The following CLVS1 variants were observed in gnomAD, a reference collection of about 807,000 sequenced individuals.
CLVS1 encodes the protein clavesin 1.
A neutral mutation model predicts 33.1 loss-of-function variants in CLVS1; 10 were observed. The ratio of observed to expected loss-of-function variants is 0.30; its 90% CI spans 0.19 to 0.51. CLVS1 has a LOEUF of 0.51. Among genes scored for constraint, CLVS1 ranks in the 20% least tolerant of loss-of-function variants. The pLI, the probability that CLVS1 is intolerant of heterozygous loss-of-function variation, is 0.97. For synonymous variants in CLVS1, 163 were observed against 166.1 expected (o/e 0.98, Z 0.14); for missense variants, 343 against 433.4 (o/e 0.79, Z 1.85).
Position 61,066,771 on chromosome 8 carries a change from G to A in CLVS1, c.-243+9541G>A, listed in dbSNP as rs1282826605. ...CTTTTTAAAAATGAAAAATGTCAAT[G>A]ACACACAACATTTCAGGGGAAAGTG... is the stretch of plus-strand genomic sequence containing the variant. On this transcript the variant is annotated intron_variant, in intron 1 of 2. Transcript: ENST00000522621. 2.6e-5 allele frequency among the ~76,000 whole-genome samples: 4 copies of A among 152,204 alleles called. 1 individual carries two copies. The highest frequency in any genetic ancestry group is 2.6e-4 in the Admixed American group (4 of 15,272).
rs560549881 is a variant in CLVS1, at chr8:61,370,041, T to G, written c.456-6564T>G. 4.6e-5 allele frequency among the ~76,000 whole-genome samples: 7 copies of G among 152,316 alleles called. No homozygotes were observed. The South Asian group carries it at 8.3e-4, about 18-fold the overall frequency. On this transcript the variant is annotated intron_variant, in intron 2 of 5. Transcript: ENST00000325897. ...AGACATGTGGTGGGATGCAATGTTTTGCACCTATAACCAAGACATAGATAT... is the reference window on the plus strand; with the variant it reads ...AGACATGTGGTGGGATGCAATGTTTGGCACCTATAACCAAGACATAGATAT...
intron 5 of CLVS1, among the ~76,000 whole-genome samples, chr8:61,491,773 A>G (rs17789341): frequency 0.087 from 13,254 of 152,264 alleles, 670 homozygotes; most frequent in Non-Finnish European, 0.12. Context: ...TGGAAAAAGC[A>G]CAGATGATTG....
At chr8:61,358,603 TAAAA>T (rs1392924889) in intron 2 of CLVS1, among the ~76,000 whole-genome samples, 1 of 152,024 alleles carries the variant, frequency 6.6e-6, no homozygotes, top group Non-Finnish European at 1.5e-5. Context: ...CACACTAAAT[TAAAA>T]CAAACAAACA....
chr8:61,150,826 TC>T (rs755493083), intron 2 of CLVS1, among the ~76,000 whole-genome samples: 2 of 152,122 alleles, frequency 1.3e-5, no homozygotes, highest in Non-Finnish European at 1.5e-5. Context: ...GAGTGATGAG[TC>T]CACTTTTCAC....
chr8:61,195,498 C>CTT (rs1405041302), intron 2 of CLVS1, among the ~76,000 whole-genome samples: 1 of 150,746 alleles, frequency 6.6e-6, no homozygotes, highest in African/African-American at 2.4e-5. Context: ...GTAGTCCTGG[C>CTT]TTTTTTTTTC....
intron 2 of CLVS1, among the ~76,000 whole-genome samples, chr8:61,191,954 A>G (rs1236039748): frequency 6.6e-6 from 1 of 152,170 alleles, no homozygotes; most frequent in Non-Finnish European, 1.5e-5. Flanking sequence ...ATACTGCCCA[A>G]TGTAATTTAC....
intron 1 of CLVS1, among the ~76,000 whole-genome samples, chr8:61,075,298 G>GAGC (rs1804890567): frequency 6.6e-6 from 1 of 152,186 alleles, no homozygotes; most frequent in African/African-American, 2.4e-5. Flanking sequence ...ACAGCTGAAA[G>GAGC]AGCAATGGGT....
intron 5 of CLVS1, among the ~76,000 whole-genome samples, chr8:61,488,864 C>T (rs1198305578): frequency 6.6e-6 from 1 of 152,214 alleles, no homozygotes; most frequent in Non-Finnish European, 1.5e-5. Flanking sequence ...TCTCCCATTC[C>T]TTCCTCCCCA....
At position 61,275,733 on chromosome 8, in the gene CLVS1, GCATTT is replaced by G. The variant is rs1046700401; in HGVS notation, c.-151-23942_-151-23938del. Reference sequence around the variant, plus strand: ...ACCAATAAAAACCAATTTGATTATAGCATTTCTTTCTATAAGCTTAAAGTTAGTCT... The same window carrying G: ...ACCAATAAAAACCAATTTGATTATAGCTTTCTATAAGCTTAAAGTTAGTCT... On this transcript the variant is annotated intron_variant, in intron 2 of 2. Transcript: ENST00000522621. Among the ~76,000 whole-genome samples, 92 of 152,252 alleles carry G rather than the reference GCATTT, an allele frequency of 6.0e-4. 2 individuals are homozygous for G. Among genetic ancestry groups the G allele is most frequent in the African/African-American group, 2.1e-3 (86 of 41,548 alleles).
intron 2 of CLVS1, among the ~76,000 whole-genome samples, chr8:61,253,318 G>A (rs189927209): frequency 1.3e-5 from 2 of 152,210 alleles, no homozygotes; most frequent in Non-Finnish European, 2.9e-5. Flanking sequence ...TTCCCTTTAT[G>A]GGTAACCTGA....
At chr8:61,236,384 C>G (rs2978551) in intron 2 of CLVS1, among the ~76,000 whole-genome samples, 2 of 151,948 alleles carry the variant, frequency 1.3e-5, no homozygotes, top group African/African-American at 4.8e-5. Context: ...CGGAGTGAAA[C>G]CTACCTGCTA....
intron 3 of CLVS1, among the ~76,000 whole-genome samples, chr8:61,397,706 T>C (rs1814584331): frequency 6.6e-6 from 1 of 152,162 alleles, no homozygotes; most frequent in Admixed American, 6.5e-5. Flanking sequence ...GGCTCCAACT[T>C]TATTCTTTTG....
chr8:61,157,460 C>A (rs907353918), intron 2 of CLVS1, among the ~76,000 whole-genome samples: 2 of 152,102 alleles, frequency 1.3e-5, no homozygotes, highest in Non-Finnish European at 2.9e-5. Flanking sequence ...ATAGGGTTAG[C>A]TTTATAACTT....
chr8:61,054,215 C>A (rs371661491), upstream of CLVS1, among the ~76,000 whole-genome samples: 8 of 152,294 alleles, frequency 5.3e-5, 1 homozygote, highest in Admixed American at 1.3e-4. Flanking sequence ...GCCCTGGGCA[C>A]GACCAAACAG....
At chr8:61,184,552 C>T (rs910848879) in intron 2 of CLVS1, among the ~76,000 whole-genome samples, 1 of 152,308 alleles carries the variant, frequency 6.6e-6, no homozygotes, top group African/African-American at 2.4e-5. Context: ...TGGCAGGAGC[C>T]TCAGCCCTCC....
chr8:60,968,662 G>A, the CLVS1 span, among the ~76,000 whole-genome samples: 6 of 152,184 alleles, frequency 3.9e-5, no homozygotes, highest in African/African-American at 1.4e-4. Flanking sequence ...GCTGAGGTGG[G>A]CAGATCACTT....
intron 2 of CLVS1, among the ~76,000 whole-genome samples, chr8:61,240,264 T>A (rs975098182): frequency 6.6e-6 from 1 of 152,186 alleles, no homozygotes; most frequent in African/African-American, 2.4e-5. Flanking sequence ...TTCTCTCACC[T>A]CCGTTCTCCC....
the CLVS1 span, among the ~76,000 whole-genome samples, chr8:61,001,780 C>T: frequency 6.6e-6 from 1 of 152,244 alleles, no homozygotes; most frequent in Admixed American, 6.5e-5. Context: ...TTTCCCCAAC[C>T]CGCAGTGCTT....
chr8:61,046,270 C>G, the CLVS1 span, among the ~76,000 whole-genome samples: 1 of 147,980 alleles, frequency 6.8e-6, no homozygotes, highest in East Asian at 2.0e-4. Context: ...GCTTGTTTTT[C>G]TCAGGTTTGT....
Sources: gnomAD v4.1 joint callset for allele counts (sites outside exome capture counted in the v4.1 genomes callset) on GRCh38, gnomAD v4.1.1 for gene constraint, MANE v1.5 for transcripts, NCBI Gene and HGNC (gene_info 2026-07-23, HGNC 2026-07-21) for gene names.